CCDC62: variants seen among roughly 807,000 people sequenced by gnomAD.
CCDC62 encodes coiled-coil domain containing 62, also known as coiled-coil domain-containing protein 62.
In CCDC62, 72 loss-of-function variants were observed where a neutral mutation model predicts 80.8. The observed-to-expected ratio is 0.89, with a 90% CI of 0.74 to 1.08. The LOEUF is 1.08. CCDC62 is among the 50% of genes least tolerant of loss of function. CCDC62 has a pLI of 0.00. For synonymous variants in CCDC62, 286 were observed against 296.5 expected (o/e 0.96, Z 0.36); for missense variants, 704 against 809.4 (o/e 0.87, Z 1.58).
In CCDC62 at chr12:122,788,756, A is replaced by G. The variant is rs2030418424; in HGVS notation, c.499-2A>G. Reference sequence around the variant, plus strand: ...ATAACCATTTTCAAATTTGGTTTTTAGGACAAAGATATTATTGAGGCAGTT... The same window carrying G: ...ATAACCATTTTCAAATTTGGTTTTTGGGACAAAGATATTATTGAGGCAGTT... On this transcript the variant is annotated splice_acceptor_variant, in intron 4 of 12. Coordinates refer to ENST00000253079, the MANE Select transcript of CCDC62 (RefSeq NM_201435.5). LOFTEE classifies it high-confidence loss of function. The G allele has an allele frequency of 6.5e-7, 1 of 1,540,832 alleles. No individual in the cohort carries two copies. Among genetic ancestry groups the G allele is most frequent in the Non-Finnish European group, 8.7e-7 (1 of 1,147,220 alleles).
In CCDC62 at chr12:122,785,745, G is replaced by A. The variant is rs1206079653; in HGVS notation, c.423G>A (p.Thr141=). The change falls in exon 4 of 13, where the codon ACG becomes ACA. Residue 141 remains threonine (T), a synonymous_variant. Coordinates refer to ENST00000253079, the MANE Select transcript of CCDC62 (RefSeq NM_201435.5). ...LEARNETLSN[T]LVELSAQVGQ... ...CTAGAAACGAAACTCTCAGCAACAC[G>A]TTAGTGGAACTTTCTGCCCAGGTAG... is the stretch of plus-strand genomic sequence containing the variant. 8 of 1,613,734 alleles carry A rather than the reference G, an allele frequency of 5.0e-6. No homozygotes were observed. The highest frequency in any genetic ancestry group is 1.1e-5 in the South Asian group (1 of 91,076).
At chr12:122,810,712 C>T (rs1386425082) in intron 10 of CCDC62, among the ~76,000 whole-genome samples, 3 of 152,126 alleles carry the variant, frequency 2.0e-5, no homozygotes, top group Non-Finnish European at 4.4e-5. Flanking sequence ...TATAAAGACA[C>T]GTGCACACGT....
At chr12:122,794,369 A>T (rs1163794311) in intron 6 of CCDC62, among the ~76,000 whole-genome samples, 1 of 151,396 alleles carries the variant, frequency 6.6e-6, no homozygotes, top group Non-Finnish European at 1.5e-5. Flanking sequence ...TAATTTTTAA[A>T]TTTTTTGTAT....
At chr12:122,782,940 C>T (rs544536941) in intron 3 of CCDC62, among the ~76,000 whole-genome samples, 1 of 151,452 alleles carries the variant, frequency 6.6e-6, no homozygotes, top group South Asian at 2.1e-4. Flanking sequence ...AACCCCGTCT[C>T]TACTAAAAAT....
intron 10 of CCDC62, among the ~76,000 whole-genome samples, chr12:122,806,619 C>T (rs943854819): frequency 6.6e-6 from 1 of 151,924 alleles, no homozygotes; most frequent in Non-Finnish European, 1.5e-5. Context: ...GCTGCAACTA[C>T]AGGCACATGC....
In CCDC62 at chr12:122,806,250, T is replaced by G. The variant is rs1321921789; in HGVS notation, c.1806T>G (p.Pro602=). ...CCTCTTCCAATAAAAAGAACTCACC[T>G]ACGAGTTTGTTAATCTACAAAGATG... is the stretch of plus-strand genomic sequence containing the variant. ...TESSSNKKNS[P]TSLLIYKDAP... Residue 602 remains proline (P), a synonymous_variant, in exon 10 of 13, where the codon CCT becomes CCG. Coordinates refer to ENST00000253079, the MANE Select transcript of CCDC62 (RefSeq NM_201435.5). 2 of 1,613,308 alleles carry G rather than the reference T, an allele frequency of 1.2e-6. No individual in the cohort carries two copies. The highest frequency in any genetic ancestry group is 1.7e-6 in the Non-Finnish European group (2 of 1,179,578).
At chr12:122,783,663 A>G (rs1036202824) in intron 3 of CCDC62, among the ~76,000 whole-genome samples, 1 of 152,242 alleles carries the variant, frequency 6.6e-6, no homozygotes, top group Non-Finnish European at 1.5e-5. Context: ...AAAATAAGTA[A>G]AAACTATTCT....
intron 10 of CCDC62, 88 bp from the exon 11 acceptor site, chr12:122,813,182 G>C: frequency 7.2e-7 from 1 of 1,388,210 alleles, no homozygotes. Flanking sequence ...CAGAGCAAGA[G>C]AAAGAAAAAA....
At chr12:122,813,239 G>T (rs1242278114) in intron 10 of CCDC62, 31 bp from the exon 11 acceptor site, 1 of 1,569,612 alleles carries the variant, frequency 6.4e-7, no homozygotes, top group Non-Finnish European at 8.6e-7. Flanking sequence ...GTAAACCTAA[G>T]CATTTAAAGG....
intron 8 of CCDC62, among the ~76,000 whole-genome samples, chr12:122,800,585 G>A (rs997909178): frequency 2.0e-5 from 3 of 151,810 alleles, no homozygotes; most frequent in African/African-American, 7.3e-5. Flanking sequence ...GCGCCACCAC[G>A]CCCGGCTAAT....
At chr12:122,793,059 C>T (rs942197914) in intron 6 of CCDC62, among the ~76,000 whole-genome samples, 1 of 152,170 alleles carries the variant, frequency 6.6e-6, no homozygotes, top group East Asian at 1.9e-4. Flanking sequence ...GCCAACCCAG[C>T]CACCAGCATA....
intron 8 of CCDC62, 119 bp from the exon 9 acceptor site, chr12:122,801,005 G>C: frequency 1.9e-6 from 2 of 1,079,304 alleles, no homozygotes; most frequent in Non-Finnish European, 2.7e-6. Context: ...ATTGGGCTCT[G>C]AGGTTCAGAC....
chr12:122,803,851 G>C (rs2031441490), intron 9 of CCDC62, among the ~76,000 whole-genome samples: 1 of 152,194 alleles, frequency 6.6e-6, no homozygotes, highest in Non-Finnish European at 1.5e-5. Flanking sequence ...GCTTATGTCA[G>C]ATAGTTTTAA....
At chr12:122,798,486 C>G (rs1440962567) in intron 8 of CCDC62, among the ~76,000 whole-genome samples, 1 of 152,128 alleles carries the variant, frequency 6.6e-6, no homozygotes, top group Non-Finnish European at 1.5e-5. Flanking sequence ...GCCTGTAGTC[C>G]CAGCTACTTG....
intron 3 of CCDC62, among the ~76,000 whole-genome samples, chr12:122,782,642 G>A (rs2029936998): frequency 6.6e-6 from 1 of 151,898 alleles, no homozygotes; most frequent in South Asian, 2.1e-4. Context: ...ATTTTTAGTA[G>A]AGACGGAGTT....
chr12:122,775,618 T>C (rs577787076), intron 1 of CCDC62, among the ~76,000 whole-genome samples: 1 of 152,154 alleles, frequency 6.6e-6, no homozygotes, highest in East Asian at 1.9e-4. Flanking sequence ...ATCATTCTTA[T>C]TTATTTATTT....
chr12:122,774,907 G>A lies in CCDC62; in HGVS notation c.36+201G>A, dbSNP rs578034588. 4.8e-3 allele frequency among the ~76,000 whole-genome samples: 730 copies of A among 151,010 alleles called. 13 individuals are homozygous for A. The highest frequency in any genetic ancestry group is 5.8e-3 in the Non-Finnish European group (390 of 67,706). On this transcript the variant is annotated intron_variant, in intron 1 of 12. Coordinates refer to ENST00000253079, the MANE Select transcript of CCDC62 (RefSeq NM_201435.5). ...GATCGAGACCATCCTGGCTAACACA[G>A]TGAAACCCCGTCTCTACTAAAAATA...
In CCDC62 at chr12:122,806,228, C is replaced by A; in HGVS notation, c.1784C>A (p.Ser595Tyr). Residue 595 changes from serine to tyrosine, a missense_variant, in exon 10 of 13, where the codon TCT (serine) becomes TAT (tyrosine). Ser to Tyr is a moderately radical substitution (Grantham distance 144). Coordinates refer to ENST00000253079, the MANE Select transcript of CCDC62 (RefSeq NM_201435.5). ...TTGAGAGAAGATGAGACGGAGTCCT[C>A]TTCCAATAAAAAGAACTCACCTACG... Reference protein sequence around the residue: ...SALREDETESSSNKKNSPTSL... With the variant: ...SALREDETESYSNKKNSPTSL... 6.2e-7 allele frequency: 1 copy of A among 1,613,768 alleles called. No homozygotes were observed. The highest frequency in any genetic ancestry group is 1.3e-5 in the African/African-American group (1 of 75,046).
intron 3 of CCDC62, among the ~76,000 whole-genome samples, chr12:122,783,005 G>A (rs2029960993): frequency 6.6e-6 from 1 of 150,948 alleles, no homozygotes; most frequent in African/African-American, 2.4e-5. Context: ...TACTCAGGAG[G>A]CTGAGGTAGG....
Sources: allele counts gnomAD v4.1 joint callset (sites outside exome capture counted in the v4.1 genomes callset), GRCh38; gene constraint gnomAD v4.1.1; transcripts MANE v1.5; gene names NCBI Gene and HGNC (gene_info 2026-07-23, HGNC 2026-07-21).